The following TRAFD1 variants were observed in gnomAD, a reference collection of about 807,000 sequenced individuals.
TRAFD1 encodes TRAF-type zinc finger domain containing 1, also known as TRAF-type zinc finger domain-containing protein 1.
In TRAFD1, 38 loss-of-function variants were observed where a neutral mutation model predicts 65.3. That is an observed-to-expected ratio of 0.58 (90% CI 0.45 to 0.76). The LOEUF (loss-of-function observed/expected upper bound fraction) is 0.76. Ranked by LOEUF, TRAFD1 falls within the 30% of genes least tolerant of loss-of-function variation. TRAFD1 has a pLI of 0.00. For synonymous variants in TRAFD1, 223 were observed against 257.2 expected, an observed-to-expected ratio of 0.87 and a Z score of 1.27; for missense variants, 631 against 712.6, an observed-to-expected ratio of 0.89 and a Z score of 1.30.
chr12:112,134,926 C>T (rs990300683), intron 3 of TRAFD1, 53 bp downstream of exon 3: 29 of 1,611,522 alleles, frequency 1.8e-5, no homozygotes, highest in Non-Finnish European at 2.4e-5. Context: ...TGCTGTTGTT[C>T]GTAAATGTAT....
chr12:112,151,898 A>G lies in TRAFD1; in HGVS notation c.1377A>G (p.Thr459=), dbSNP rs1416748465. The stretch of plus-strand genomic sequence containing the variant: ...CCAGCCGACCCATTAACAATATGAC[A>G]GCTACCTATAACCAGCTATCGAGAT... ...LPPSRPINNM[T]ATYNQLSRST... Residue 459 remains threonine, a synonymous_variant, in exon 10 of 12, where the codon ACA becomes ACG. Coordinates refer to ENST00000412615, the MANE Select transcript of TRAFD1 (RefSeq NM_006700.3). 1.2e-6 allele frequency: 2 copies of G among 1,614,118 alleles called. No homozygotes were observed. The highest frequency in any genetic ancestry group is 3.3e-4 in the Middle Eastern group (2 of 6,062).
At position 112,137,246 on chromosome 12, in the gene TRAFD1, C is replaced by T. The variant is rs1307641778; in HGVS notation, c.237+2180C>T. Among the ~76,000 whole-genome samples the T allele has an allele frequency of 2.0e-5, 3 of 152,084 alleles. No homozygotes were observed. Among genetic ancestry groups the T allele is most frequent in the Admixed American group, 6.6e-5 (1 of 15,264 alleles). ...TAAAACAAACAAAAAAAAACTGGCT[C>T]ACCTTGTTTTCAAGTGTTGACATAA... On this transcript the variant is annotated intron_variant, in intron 4 of 11. Transcript: ENST00000412615. The surrounding 1 kb of genome is among the most constrained non-coding windows in gnomAD (Gnocchi z 4.2).
chr12:112,127,054 G>A (rs1432972824), intron 1 of TRAFD1, among the ~76,000 whole-genome samples: 1 of 152,200 alleles, frequency 6.6e-6, no homozygotes, highest in Non-Finnish European at 1.5e-5. Context: ...TGTCTGATAT[G>A]ACAAGACCTT....
Position 112,153,062 on chromosome 12 carries a change from C to G in TRAFD1, c.*271C>G. ...CAAGCTGCAGCCTCGGCTGCCAGGG[C>G]TCCCTTTTGACTTATTGTCGCCACT... On this transcript the variant is annotated 3_prime_UTR_variant, in exon 12 of 12. Coordinates refer to ENST00000412615, the MANE Select transcript of TRAFD1 (RefSeq NM_006700.3). The G allele has an allele frequency of 2.5e-6, 1 of 406,392 alleles. No individual in the cohort carries two copies. The allele number at this position is 406,392 out of a possible 1,614,324, so 25.2% of individuals were successfully genotyped here.
intron 1 of TRAFD1, among the ~76,000 whole-genome samples, chr12:112,129,219 T>C (rs962534884): frequency 8.3e-6 from 1 of 120,488 alleles, no homozygotes; most frequent in African/African-American, 4.0e-5. Flanking sequence ...TTTTTTTTTT[T>C]GAGACAGGAT....
Position 112,140,861 on chromosome 12 carries a change from G to A in TRAFD1, c.280G>A (p.Asp94Asn), listed in dbSNP as rs776240723. 2 of 1,614,078 alleles carry A rather than the reference G, an allele frequency of 1.2e-6. No homozygotes were observed. Among genetic ancestry groups the A allele is most frequent in the Admixed American group, 1.7e-5 (1 of 59,998 alleles). ...GCGGCTTGCTGTCTGCCAGCACTGTGATTTAGAACTTTCCATTCTCAAACT... is the reference window on the plus strand; with the variant it reads ...GCGGCTTGCTGTCTGCCAGCACTGTAATTTAGAACTTTCCATTCTCAAACT... ...PLRLAVCQHC[D>N]LELSILKLKE... The change falls in exon 5 of 12, where the codon GAT becomes AAT. Residue 94 changes from aspartate (D) to asparagine (N), a missense_variant. Transcript: ENST00000412615.
intron 7 of TRAFD1, 45 bp from the exon 8 acceptor site, chr12:112,148,029 T>C (rs777420882): frequency 6.6e-7 from 1 of 1,512,622 alleles, no homozygotes; most frequent in South Asian, 1.2e-5. Context: ...AGTTTTTTTC[T>C]TAACCTCTGA....
In TRAFD1 at chr12:112,152,433, G is replaced by C. The variant is rs529696368; in HGVS notation, c.1626G>C (p.Arg542Ser). Reference protein sequence around the residue: ...GPSGRYGASGRSEGGRNSRVT... With the variant: ...GPSGRYGASGSSEGGRNSRVT... ...TCTAATTGTTTTCTTTCAGTGGTAG[G>C]AGTGAAGGTGGCAGGAATTCCCGGG... Residue 542 changes from arginine to serine, a missense_variant, in exon 11 of 12, where the codon AGG becomes AGC. By Grantham distance (110) the Arg-to-Ser change is moderately radical. Transcript: ENST00000412615. This position sits in a 1 kb window ranked among gnomAD's most constrained non-coding sequence, Gnocchi z 5.0. 1.2e-6 allele frequency: 2 copies of C among 1,613,222 alleles called. No homozygotes were observed. Among genetic ancestry groups the C allele is most frequent in the Non-Finnish European group, 8.5e-7 (1 of 1,180,032 alleles).
chr12:112,140,907 G>A lies in TRAFD1; in HGVS notation c.326G>A (p.Cys109Tyr). 6.2e-7 allele frequency: 1 copy of A among 1,614,206 alleles called. No homozygotes were observed. Among genetic ancestry groups the A allele is most frequent in the Non-Finnish European group, 8.5e-7 (1 of 1,180,046 alleles). ...ILKLKEHEDY[C>Y]GARTELCGNC... ...AAACTGAAGGAACATGAAGATTATT[G>A]TGGTGCCCGGACGGAACTATGTGGC... The change falls in exon 5 of 12, where the codon TGT (cysteine) becomes TAT (tyrosine). Residue 109 changes from cysteine to tyrosine, a missense_variant. Coordinates refer to ENST00000412615, the MANE Select transcript of TRAFD1 (RefSeq NM_006700.3).
chr12:112,142,321 C>G, intron 6 of TRAFD1, 26 bp downstream of exon 6: 2 of 1,591,312 alleles, frequency 1.3e-6, no homozygotes, highest in East Asian at 4.5e-5. Context: ...CTGCACTAGC[C>G]TCTTTCTCTA....
Position 112,130,751 on chromosome 12 carries a change from C to T in TRAFD1, c.47+182C>T, listed in dbSNP as rs1194462592. Among the ~76,000 whole-genome samples the T allele has an allele frequency of 2.6e-5, 4 of 152,128 alleles. No individual in the cohort carries two copies. The highest frequency in any genetic ancestry group is 7.2e-5 in the African/African-American group (3 of 41,424). ...CATCTCTTTCCTGATGAAATGAAAC[C>T]GGTTGTAAAGTTAATAATCAGCTGG... On this transcript the variant is annotated intron_variant, in intron 2 of 11. Coordinates refer to ENST00000412615, the MANE Select transcript of TRAFD1 (RefSeq NM_006700.3). The surrounding 1 kb of genome is among the most constrained non-coding windows in gnomAD (Gnocchi z 4.4).
At chr12:112,140,759 A>G (rs2030062958) in intron 4 of TRAFD1, 60 bp from the exon 5 acceptor site, 2 of 1,586,740 alleles carry the variant, frequency 1.3e-6, no homozygotes, top group South Asian at 1.1e-5. Flanking sequence ...TCCTTGCCCT[A>G]TACTAAAACA....
At chr12:112,134,899 T>C in intron 3 of TRAFD1, 26 bp downstream of exon 3, 1 of 1,611,498 alleles carries the variant, frequency 6.2e-7, no homozygotes, top group East Asian at 2.2e-5. Flanking sequence ...CTCAAATGTT[T>C]ATACATGTGT....
At chr12:112,131,234 T>A (rs969922092) in intron 2 of TRAFD1, among the ~76,000 whole-genome samples, 1 of 152,210 alleles carries the variant, frequency 6.6e-6, no homozygotes, top group African/African-American at 2.4e-5. Context: ...GTTTTATATG[T>A]ATAGCTACTG....
intron 8 of TRAFD1, among the ~76,000 whole-genome samples, chr12:112,149,208 ACT>A (rs2030335430): frequency 6.6e-6 from 1 of 151,620 alleles, no homozygotes; most frequent in Non-Finnish European, 1.5e-5. Context: ...ACAGAGCGAG[ACT>A]CTGTCTCAAA....
At chr12:112,144,470 C>T (rs552485671) in intron 6 of TRAFD1, among the ~76,000 whole-genome samples, 1 of 152,184 alleles carries the variant, frequency 6.6e-6, no homozygotes, top group African/African-American at 2.4e-5. Flanking sequence ...AGGGTTTTAC[C>T]GTGTCGCTCA....
intron 2 of TRAFD1, among the ~76,000 whole-genome samples, chr12:112,134,143 T>A (rs571971688): frequency 2.0e-3 from 295 of 151,136 alleles, no homozygotes; most frequent in Non-Finnish European, 3.0e-3. Flanking sequence ...CCTGAGTAGC[T>A]GAGATTACAG....
chr12:112,148,123 C>A lies in TRAFD1; in HGVS notation c.977C>A (p.Ser326Tyr), dbSNP rs763386004. 1 of 1,614,196 alleles carries A rather than the reference C, an allele frequency of 6.2e-7. No individual in the cohort carries two copies. The highest frequency in any genetic ancestry group is 1.1e-5 in the South Asian group (1 of 91,084). The change falls in exon 8 of 12, where the codon TCT becomes TAT. Residue 326 changes from serine to tyrosine, a missense_variant. Coordinates refer to ENST00000412615, the MANE Select transcript of TRAFD1 (RefSeq NM_006700.3). ...RALPSLNTGS[S>Y]SPRGVEEPDV... is the part of the protein sequence containing the mutation. ...TTACCTTCACTCAATACTGGCAGCT[C>A]TTCCCCCAGAGGGGTGGAGGAACCT...
chr12:112,144,172 A>G (rs2030169711), intron 6 of TRAFD1, among the ~76,000 whole-genome samples: 1 of 152,132 alleles, frequency 6.6e-6, no homozygotes, highest in East Asian at 1.9e-4. Context: ...TGTGAACACC[A>G]AGTTTTCTAG....
Sources: gnomAD v4.1 joint callset for allele counts (sites outside exome capture counted in the v4.1 genomes callset) on GRCh38, gnomAD v4.1.1 for gene constraint, Gnocchi (gnomAD v3.1) non-coding constraint, MANE v1.5 for transcripts, NCBI Gene and HGNC (gene_info 2026-07-23, HGNC 2026-07-21) for gene names.